The following TBL1X variants were observed in gnomAD, a reference collection of about 807,000 sequenced individuals.
The protein encoded by TBL1X is F-box-like/WD repeat-containing protein TBL1X.
A neutral mutation model predicts 50.7 loss-of-function variants in TBL1X; 10 were observed. The observed-to-expected ratio is 0.20, with a 90% CI of 0.12 to 0.33. The LOEUF (loss-of-function observed/expected upper bound fraction) is 0.33, where lower values mean the gene tolerates loss of function less well. TBL1X is among the 10% of genes least tolerant of loss of function. The pLI, the probability that TBL1X is intolerant of heterozygous loss-of-function variation, is 1.00. For missense variants in TBL1X, 340 were observed against 504.4 expected, an observed-to-expected ratio of 0.67 and a Z score of 3.12; for synonymous variants, 190 against 214.7, an observed-to-expected ratio of 0.88 and a Z score of 1.01.
At chrX:9,640,890 C>T (rs2082772644) in intron 3 of TBL1X, among the ~76,000 whole-genome samples, 1 of 111,737 alleles carries the variant, frequency 8.9e-6, no homozygotes, top group Non-Finnish European at 1.9e-5. Flanking sequence ...CTTGGCTTCC[C>T]AAAGTGCTGG....
chrX:9,553,425 G>T (rs749045965), intron 2 of TBL1X, among the ~76,000 whole-genome samples: 1 of 112,009 alleles, frequency 8.9e-6, no homozygotes, highest in African/African-American at 3.2e-5. Context: ...ATTGCACATC[G>T]AGAACCTAAG....
At chrX:9,496,200 C>T (rs2081970487) in intron 1 of TBL1X, among the ~76,000 whole-genome samples, 1 of 111,977 alleles carries the variant, frequency 8.9e-6, no homozygotes, top group Non-Finnish European at 1.9e-5. Context: ...AAATTGGGGA[C>T]ATGGCCTGAG....
intron 2 of TBL1X, among the ~76,000 whole-genome samples, chrX:9,576,140 G>A (rs1307741241): frequency 8.9e-6 from 1 of 112,088 alleles, no homozygotes; most frequent in Non-Finnish European, 1.9e-5. Context: ...CTCCCAAAGT[G>A]TAGCATGCCT....
In TBL1X at chrX:9,714,998, G is replaced by A; in HGVS notation, c.1702G>A (p.Gly568Ser). The change falls in exon 17 of 18, where the codon GGC (glycine) becomes AGC (serine). Residue 568 changes from glycine to serine, a missense_variant. Physicochemically the swap from Gly to Ser is moderately conservative, Grantham distance 56 (BLOSUM62 0). This residue lies in a region of TBL1X where 170 missense variants were observed against 272.6 expected (regional missense o/e 0.62). Coordinates refer to ENST00000645353, the MANE Select transcript of TBL1X (RefSeq NM_005647.4). ...GDKVGASASD[G>S]SVCVLDLRK is the part of the protein sequence containing the mutation. ...CAAAGTGGGTGCCAGCGCGTCCGAC[G>A]GCTCTGTAAGCAACACCTCTGGTTT... 8.3e-7 allele frequency: 1 copy of A among 1,209,188 alleles called. No homozygotes were observed. The highest frequency in any genetic ancestry group is 1.1e-6 in the Non-Finnish European group (1 of 894,056).
intron 1 of TBL1X, among the ~76,000 whole-genome samples, chrX:9,470,255 ACTCTTTTAGTTATTTG>A (rs1486223190): frequency 8.9e-6 from 1 of 111,766 alleles, no homozygotes; most frequent in Non-Finnish European, 1.9e-5. Context: ...ATCCAATTAT[ACTCTTTTAGTTATTTG>A]CTCTTTTTTC....
chrX:9,565,831 A>G (rs2082348620), intron 2 of TBL1X, among the ~76,000 whole-genome samples: 1 of 111,114 alleles, frequency 9.0e-6, no homozygotes, highest in Non-Finnish European at 1.9e-5. Context: ...CCTGTCCCAA[A>G]AACAAAAAAC....
At chrX:9,610,362 T>A (rs2053389302) in intron 2 of TBL1X, among the ~76,000 whole-genome samples, 1 of 112,873 alleles carries the variant, frequency 8.9e-6, no homozygotes, top group South Asian at 3.6e-4. Context: ...TTTAATGTTA[T>A]TATAAATTGG....
intron 2 of TBL1X, among the ~76,000 whole-genome samples, chrX:9,573,344 A>T (rs1201442750): frequency 8.9e-6 from 1 of 112,004 alleles, no homozygotes; most frequent in Non-Finnish European, 1.9e-5. Flanking sequence ...GTTTATAAAA[A>T]TTTTTCTCTA....
intron 2 of TBL1X, among the ~76,000 whole-genome samples, chrX:9,543,873 C>G (rs994718582): frequency 8.9e-6 from 1 of 111,776 alleles, no homozygotes; most frequent in Admixed American, 9.5e-5. Context: ...TGGAGCAGGC[C>G]ACCACCCTTG....
chrX:9,510,297 A>G (rs2082049104), intron 2 of TBL1X, among the ~76,000 whole-genome samples: 1 of 112,028 alleles, frequency 8.9e-6, no homozygotes, highest in African/African-American at 3.2e-5. Context: ...GAGAAATTGT[A>G]TCCTGGGGTA....
At chrX:9,605,888 C>G (rs912207389) in intron 2 of TBL1X, among the ~76,000 whole-genome samples, 4 of 112,256 alleles carry the variant, frequency 3.6e-5, no homozygotes, top group African/African-American at 1.3e-4. Flanking sequence ...TCTCTCATTT[C>G]CACCAATGCA....
chrX:9,524,361 C>G (rs924030113), intron 2 of TBL1X, among the ~76,000 whole-genome samples: 2 of 111,993 alleles, frequency 1.8e-5, no homozygotes, highest in African/African-American at 6.5e-5. Context: ...TCTCGTAGTC[C>G]TGAAACTCCA....
At chrX:9,585,740 A>G (rs2082466245) in intron 2 of TBL1X, among the ~76,000 whole-genome samples, 1 of 111,506 alleles carries the variant, frequency 9.0e-6, no homozygotes, top group African/African-American at 3.3e-5. Flanking sequence ...CCTTCTGCCT[A>G]TGTGCAGTTC....
At chrX:9,618,790 A>G (rs768659023) in intron 2 of TBL1X, among the ~76,000 whole-genome samples, 1 of 112,736 alleles carries the variant, frequency 8.9e-6, no homozygotes, top group East Asian at 2.8e-4. Flanking sequence ...GAAAAAAACT[A>G]TGTGCATAAA....
At chrX:9,511,710 A>AT (rs1337311193) in intron 2 of TBL1X, among the ~76,000 whole-genome samples, 1 of 112,517 alleles carries the variant, frequency 8.9e-6, no homozygotes. Flanking sequence ...TGTTTGCAAC[A>AT]TCATACTTTG....
intron 1 of TBL1X, among the ~76,000 whole-genome samples, chrX:9,498,984 T>TC (rs2081986693): frequency 9.0e-6 from 1 of 111,570 alleles, no homozygotes; most frequent in African/African-American, 3.3e-5. Context: ...ATGTCTCCCC[T>TC]CCAGCAGGCT....
chrX:9,564,979 A>G (rs760821192), intron 2 of TBL1X, among the ~76,000 whole-genome samples: 1 of 110,539 alleles, frequency 9.0e-6, no homozygotes, highest in South Asian at 3.8e-4. Context: ...TATACTAAAA[A>G]AAAATCATAG....
chrX:9,515,061 TTTTGATGCTGAAA>T (rs1281797503), intron 2 of TBL1X, among the ~76,000 whole-genome samples: 1 of 111,081 alleles, frequency 9.0e-6, no homozygotes, highest in Non-Finnish European at 1.9e-5. Context: ...CTCCTTTTGT[TTTTGATGCTGAAA>T]TGAGACAAAT....
chrX:9,597,807 T>C (rs2082533844), intron 2 of TBL1X, among the ~76,000 whole-genome samples: 1 of 111,938 alleles, frequency 8.9e-6, no homozygotes, highest in African/African-American at 3.2e-5. Context: ...AGTCAGCCTG[T>C]AACCCCAGCT....
Sources: allele counts gnomAD v4.1 joint callset (sites outside exome capture counted in the v4.1 genomes callset), GRCh38; gene constraint gnomAD v4.1.1; regional missense constraint gnomAD v4.1.1; transcripts MANE v1.5; gene names NCBI Gene and HGNC (gene_info 2026-07-23, HGNC 2026-07-21).